Variants in SLC39A9 observed in about 807,000 individuals in gnomAD.
SLC39A9 encodes solute carrier family 39 member 9.
Under a neutral mutation model 28.4 loss-of-function variants are expected in SLC39A9, and 14 were observed. The ratio of observed to expected loss-of-function variants is 0.49; its 90% CI spans 0.33 to 0.77. The LOEUF (loss-of-function observed/expected upper bound fraction) is 0.77. SLC39A9 is among the 30% of genes least tolerant of loss of function. The pLI is 0.02. For synonymous variants in SLC39A9, 119 were observed against 149.6 expected (o/e 0.80, Z 1.49); for missense variants, 283 against 381.1 (o/e 0.74, Z 2.14).
intron 1 of SLC39A9, among the ~76,000 whole-genome samples, chr14:69,422,450 G>A (rs1050422297): frequency 2.6e-5 from 4 of 152,050 alleles, no homozygotes; most frequent in Non-Finnish European, 4.4e-5. Context: ...GCCCAGGTGG[G>A]AGTGCAGTGA....
At chr14:69,424,985 A>T (rs1446750501) in intron 2 of SLC39A9, among the ~76,000 whole-genome samples, 1 of 152,198 alleles carries the variant, frequency 6.6e-6, no homozygotes, top group Non-Finnish European at 1.5e-5. Context: ...AGAGGAAAAG[A>T]ACTGTGTCCT....
rs1885078504 is a variant in SLC39A9 at position 69,442,148 on chromosome 14, T to C, written c.285T>C (p.His95=). ...CAGAAAAATCAGTTGTCCATGAACA[T>C]GAGCACAGCCACGACCACACACAGC... ...KAAEKSVVHE[H]EHSHDHTQLH... is the part of the protein sequence containing the mutation. The change falls in exon 3 of 7, where the codon CAT becomes CAC. Residue 95 remains histidine, a synonymous_variant. Coordinates refer to ENST00000336643, the MANE Select transcript of SLC39A9 (RefSeq NM_018375.5). 2 of 1,614,104 alleles carry C rather than the reference T, an allele frequency of 1.2e-6. No homozygotes were observed. The highest frequency in any genetic ancestry group is 1.7e-5 in the Admixed American group (1 of 60,006).
In SLC39A9 at chr14:69,459,546, CT is replaced by C. The variant is rs35993638; in HGVS notation, c.*962del. ...AAGACTACCAAAATGTATGGTTGTC[CT>C]TTTTTTTTGTTTTTTTTTTTTTTAA... On this transcript the variant is annotated 3_prime_UTR_variant, in exon 7 of 7. Coordinates refer to ENST00000336643, the MANE Select transcript of SLC39A9 (RefSeq NM_018375.5). 9.4e-5 allele frequency: 87 copies of C among 926,024 alleles called. No individual in the cohort carries two copies. Among genetic ancestry groups the C allele is most frequent in the East Asian group, 1.2e-4 (1 of 8,340 alleles). 57.4% of individuals were successfully genotyped at this position (926,024 alleles called of 1,614,324 possible). A position where few individuals can be genotyped will look rare whatever the true frequency, so the allele number is the denominator to read the frequency against.
chr14:69,421,565 G>A (rs1004819237), intron 1 of SLC39A9, among the ~76,000 whole-genome samples: 10 of 152,234 alleles, frequency 6.6e-5, no homozygotes, highest in Non-Finnish European at 1.2e-4. Context: ...TAAGACTGCA[G>A]AAGTTTCTGC....
chr14:69,410,013 T>A (rs1383377316), intron 1 of SLC39A9, among the ~76,000 whole-genome samples: 1 of 152,242 alleles, frequency 6.6e-6, no homozygotes, highest in Non-Finnish European at 1.5e-5. Flanking sequence ...TATGTATCAA[T>A]GATATATTTG....
Position 69,398,763 on chromosome 14 carries a change from G to C in SLC39A9, c.-607G>C, listed in dbSNP as rs1773851367. On this transcript the variant is annotated 5_prime_UTR_variant, in exon 1 of 7. Coordinates refer to ENST00000336643, the MANE Select transcript of SLC39A9 (RefSeq NM_018375.5). ...CCGGGTCAAGGCCCGGTCGAGTGCA[G>C]TACCATGGGCAGCACCGGGTATAGG... is the stretch of plus-strand genomic sequence containing the variant. 1 of 217,636 alleles carries C rather than the reference G, an allele frequency of 4.6e-6. No individual in the cohort carries two copies. The highest frequency in any genetic ancestry group is 9.4e-6 in the Non-Finnish European group (1 of 106,732). 13.5% of individuals were successfully genotyped at this position (217,636 alleles called of 1,614,324 possible). A position where few individuals can be genotyped will look rare whatever the true frequency, so the allele number is the denominator to read the frequency against.
intron 6 of SLC39A9, among the ~76,000 whole-genome samples, chr14:69,457,206 ATT>A (rs1201687954): frequency 6.7e-6 from 1 of 148,854 alleles, no homozygotes; most frequent in Non-Finnish European, 1.5e-5. Context: ...ACACACACAC[ATT>A]TTTTTTTTCC....
chr14:69,438,095 C>T (rs1884867718), intron 2 of SLC39A9, among the ~76,000 whole-genome samples: 1 of 150,732 alleles, frequency 6.6e-6, no homozygotes, highest in Admixed American at 6.6e-5. Flanking sequence ...CATCTCGGCT[C>T]ACTGCAACCA....
chr14:69,448,201 T>C (rs11622711), intron 3 of SLC39A9, among the ~76,000 whole-genome samples: 58,669 of 119,732 alleles, frequency 0.49, 13,424 homozygotes, highest in Middle Eastern at 0.64. Flanking sequence ...GGCAACAAAG[T>C]GAGACTCTGT....
intron 1 of SLC39A9, among the ~76,000 whole-genome samples, chr14:69,423,792 G>T (rs1884028089): frequency 6.6e-6 from 1 of 151,930 alleles, no homozygotes; most frequent in South Asian, 2.1e-4. Flanking sequence ...CAGCTACCCG[G>T]GAGGCTGAGG....
At chr14:69,414,482 T>G (rs1883460040) in intron 1 of SLC39A9, among the ~76,000 whole-genome samples, 1 of 152,162 alleles carries the variant, frequency 6.6e-6, no homozygotes, top group Admixed American at 6.5e-5. Flanking sequence ...TTAAGGAAAA[T>G]TTTTGGAAGG....
rs1886045938 is a variant in SLC39A9 at position 69,459,986 on chromosome 14, A to G, written c.*1393A>G. On this transcript the variant is annotated 3_prime_UTR_variant, in exon 7 of 7. Transcript: ENST00000336643. Reference sequence around the variant, plus strand: ...TCATGTGTAAATTGACACAATCACTAATCTGGTAATTTAAACAATTGAGAT... The same window carrying G: ...TCATGTGTAAATTGACACAATCACTGATCTGGTAATTTAAACAATTGAGAT... 1 of 985,176 alleles carries G rather than the reference A, an allele frequency of 1.0e-6. No individual in the cohort carries two copies. Among genetic ancestry groups the G allele is most frequent in the Non-Finnish European group, 1.2e-6 (1 of 829,314 alleles). 61.0% of individuals were successfully genotyped at this position (985,176 alleles called of 1,614,324 possible).
chr14:69,422,784 A>G (rs1229309523), intron 1 of SLC39A9, among the ~76,000 whole-genome samples: 3 of 152,154 alleles, frequency 2.0e-5, no homozygotes, highest in East Asian at 3.8e-4. Context: ...GGGTTTCACC[A>G]TGTTGGCCGG....
At chr14:69,445,630 G>C (rs1333757976) in intron 3 of SLC39A9, among the ~76,000 whole-genome samples, 1 of 152,042 alleles carries the variant, frequency 6.6e-6, no homozygotes, top group Non-Finnish European at 1.5e-5. Context: ...TCAGTGCAGT[G>C]GTCAAGTGTA....
Position 69,461,353 on chromosome 14 carries a change from C to G in SLC39A9, c.*2760C>G. ...TCTCCAGTTAATTGCTTGTCAGTTCCATTTCAAGAAAGCAGTGATGTTCCA... is the reference window on the plus strand; with the variant it reads ...TCTCCAGTTAATTGCTTGTCAGTTCGATTTCAAGAAAGCAGTGATGTTCCA... On this transcript the variant is annotated 3_prime_UTR_variant, in exon 7 of 7. Coordinates refer to ENST00000336643, the MANE Select transcript of SLC39A9 (RefSeq NM_018375.5). 1 of 1,109,554 alleles carries G rather than the reference C, an allele frequency of 9.0e-7. No individual in the cohort carries two copies. The highest frequency in any genetic ancestry group is 1.1e-6 in the Non-Finnish European group (1 of 903,620). The allele number at this position is 1,109,554 out of a possible 1,614,324, so 68.7% of individuals were successfully genotyped here. A position where few individuals can be genotyped will look rare whatever the true frequency, so the allele number is the denominator to read the frequency against.
At chr14:69,446,966 A>C (rs1052312912) in intron 3 of SLC39A9, among the ~76,000 whole-genome samples, 9 of 137,564 alleles carry the variant, frequency 6.5e-5, no homozygotes, top group South Asian at 2.2e-4. Context: ...AGAGAGAGAG[A>C]GCGAGAGAGA....
chr14:69,432,598 G>A (rs969709704), intron 2 of SLC39A9, among the ~76,000 whole-genome samples: 2 of 151,916 alleles, frequency 1.3e-5, no homozygotes, highest in African/African-American at 4.8e-5. Context: ...AATTGCTTTT[G>A]AGGACTTAGT....
At chr14:69,440,465 A>C (rs1218556855) in intron 2 of SLC39A9, among the ~76,000 whole-genome samples, 2 of 152,114 alleles carry the variant, frequency 1.3e-5, no homozygotes, top group Admixed American at 6.6e-5. Flanking sequence ...TCACATCTGT[A>C]GTCCAGATTC....
At chr14:69,457,229 A>T (rs1451074525) in intron 6 of SLC39A9, among the ~76,000 whole-genome samples, 1 of 151,592 alleles carries the variant, frequency 6.6e-6, no homozygotes, top group Non-Finnish European at 1.5e-5. Flanking sequence ...TTTGAGATGG[A>T]ATCTTGCCTG....
Sources: gnomAD v4.1 joint callset for allele counts (sites outside exome capture counted in the v4.1 genomes callset) on GRCh38, gnomAD v4.1.1 for gene constraint, MANE v1.5 for transcripts, NCBI Gene and HGNC (gene_info 2026-07-23, HGNC 2026-07-21) for gene names.